Variants in CNTN3 observed in about 807,000 individuals in gnomAD.
The protein encoded by CNTN3 is contactin-3.
In CNTN3, 60 loss-of-function variants were observed where a neutral mutation model predicts 119.1. The ratio of observed to expected loss-of-function variants is 0.50; its 90% confidence interval spans 0.41 to 0.62. The LOEUF (loss-of-function observed/expected upper bound fraction) is 0.62. Ranked by LOEUF, CNTN3 falls within the 20% of genes least tolerant of loss-of-function variation. CNTN3 has a pLI of 0.00. For synonymous variants in CNTN3, 450 were observed against 438.7 expected (o/e 1.03, Z -0.32); for missense variants, 1,101 against 1,242.4 (o/e 0.89, Z 1.71).
intron 1 of CNTN3, among the ~76,000 whole-genome samples, chr3:74,578,436 G>T (rs1704452279): frequency 6.6e-6 from 1 of 151,962 alleles, no homozygotes; most frequent in Non-Finnish European, 1.5e-5. Flanking sequence ...ACTACTTCTA[G>T]GTCAGCTAGA....
At chr3:74,578,912 C>G (rs796771149) in intron 1 of CNTN3, among the ~76,000 whole-genome samples, 2 of 152,018 alleles carry the variant, frequency 1.3e-5, no homozygotes, top group African/African-American at 4.8e-5. Flanking sequence ...TACACTCAAA[C>G]ATATCAATAA....
chr3:74,436,505 C>CT (rs1701868697), intron 4 of CNTN3, among the ~76,000 whole-genome samples: 1 of 152,106 alleles, frequency 6.6e-6, no homozygotes, highest in African/African-American at 2.4e-5. Context: ...AGCCCTTCTG[C>CT]TTTCATCATT....
intron 1 of CNTN3, among the ~76,000 whole-genome samples, chr3:74,604,765 A>ATAAC (rs1559676379): frequency 6.6e-6 from 1 of 152,162 alleles, no homozygotes. Flanking sequence ...AATTAAAAAT[A>ATAAC]TAACTACCAT....
intron 5 of CNTN3, among the ~76,000 whole-genome samples, chr3:74,389,580 A>G (rs1704841834): frequency 6.6e-6 from 1 of 152,184 alleles, no homozygotes; most frequent in African/African-American, 2.4e-5. Context: ...GTCATGTGTT[A>G]TCTTACTGCA....
intron 4 of CNTN3, among the ~76,000 whole-genome samples, chr3:74,446,831 C>T (rs552460669): frequency 6.3e-4 from 96 of 151,964 alleles, no homozygotes; most frequent in African/African-American, 2.2e-3. Context: ...TCCCAGAGAT[C>T]AGGGTCATAG....
At chr3:74,481,000 T>G (rs1702753725) in intron 4 of CNTN3, among the ~76,000 whole-genome samples, 1 of 151,898 alleles carries the variant, frequency 6.6e-6, no homozygotes. Context: ...TCAGACCGTA[T>G]TAATATAACA....
At chr3:74,319,456 T>G (rs934659464) in intron 13 of CNTN3, among the ~76,000 whole-genome samples, 1 of 152,158 alleles carries the variant, frequency 6.6e-6, no homozygotes, top group Admixed American at 6.5e-5. Flanking sequence ...GAAAACTGGC[T>G]AGCAATATGT....
intron 5 of CNTN3, among the ~76,000 whole-genome samples, chr3:74,388,674 C>G (rs886306380): frequency 1.2e-4 from 18 of 152,110 alleles, no homozygotes; most frequent in Non-Finnish European, 2.1e-4. Context: ...TATACCCTAC[C>G]CTTTTTTCTT....
intron 20 of CNTN3, among the ~76,000 whole-genome samples, chr3:74,272,112 G>A (rs921387206): frequency 6.6e-6 from 1 of 152,068 alleles, no homozygotes; most frequent in African/African-American, 2.4e-5. Context: ...TGGCTTCCCT[G>A]GGCCACAGTG....
chr3:74,587,767 C>G (rs1346535848), intron 1 of CNTN3, among the ~76,000 whole-genome samples: 1 of 152,106 alleles, frequency 6.6e-6, no homozygotes, highest in Non-Finnish European at 1.5e-5. Context: ...TCCTCTTTTC[C>G]TAATTGAATA....
chr3:74,558,536 G>T (rs1453578786), intron 1 of CNTN3, among the ~76,000 whole-genome samples: 1 of 152,100 alleles, frequency 6.6e-6, no homozygotes, highest in Non-Finnish European at 1.5e-5. Flanking sequence ...AATCAAATGG[G>T]AAACAGAACA....
chr3:74,587,173 G>C (rs755293722), intron 1 of CNTN3, among the ~76,000 whole-genome samples: 3 of 152,058 alleles, frequency 2.0e-5, no homozygotes, highest in Non-Finnish European at 2.9e-5. Context: ...GTGGGTGGGA[G>C]GTGGGGGCAG....
chr3:74,596,036 T>C (rs1160545257), intron 1 of CNTN3, among the ~76,000 whole-genome samples: 3 of 152,104 alleles, frequency 2.0e-5, no homozygotes, highest in Admixed American at 1.3e-4. Flanking sequence ...AGCATTCTTA[T>C]ACACCAAAAA....
chr3:74,375,352 G>C (rs1398251127), intron 5 of CNTN3, among the ~76,000 whole-genome samples: 2 of 152,134 alleles, frequency 1.3e-5, no homozygotes, highest in African/African-American at 4.8e-5. Flanking sequence ...TGAGTGGCTG[G>C]GAGATTCAAA....
chr3:74,542,598 A>T (rs963635529), intron 1 of CNTN3, among the ~76,000 whole-genome samples: 2 of 152,232 alleles, frequency 1.3e-5, no homozygotes, highest in Non-Finnish European at 2.9e-5. Flanking sequence ...GCTAAGATGC[A>T]TTAAGTAGTA....
intron 5 of CNTN3, among the ~76,000 whole-genome samples, chr3:74,394,443 C>T (rs969874411): frequency 6.6e-6 from 1 of 152,134 alleles, no homozygotes; most frequent in Non-Finnish European, 1.5e-5. Flanking sequence ...GGCAAAAGAT[C>T]TATCATTCCA....
At chr3:74,559,462 C>T (rs1421197258) in intron 1 of CNTN3, among the ~76,000 whole-genome samples, 4 of 152,154 alleles carry the variant, frequency 2.6e-5, no homozygotes, top group Non-Finnish European at 5.9e-5. Flanking sequence ...GAAGCTTTGG[C>T]GTGTGGCAGT....
At chr3:74,307,181 G>C (rs1454754018) in intron 13 of CNTN3, among the ~76,000 whole-genome samples, 1 of 152,164 alleles carries the variant, frequency 6.6e-6, no homozygotes, top group Non-Finnish European at 1.5e-5. Flanking sequence ...GGGGTGGACA[G>C]GGGATAGGGA....
chr3:74,286,307 C>T (rs549069579), intron 19 of CNTN3, among the ~76,000 whole-genome samples: 5 of 152,086 alleles, frequency 3.3e-5, no homozygotes, highest in South Asian at 2.1e-4. Context: ...AGCTGGAATA[C>T]GCTGATCTGA....
Sources: gnomAD v4.1 joint callset for allele counts (sites outside exome capture counted in the v4.1 genomes callset) on GRCh38, gnomAD v4.1.1 for gene constraint, MANE v1.5 for transcripts, NCBI Gene and HGNC (gene_info 2026-07-23, HGNC 2026-07-21) for gene names.